The following NKAIN2 variants were observed in gnomAD, a reference collection of about 807,000 sequenced individuals.
NKAIN2 encodes the protein sodium/potassium transporting ATPase interacting 2.
In NKAIN2, 14 loss-of-function variants were observed where a neutral mutation model predicts 32.6. The ratio of observed to expected loss-of-function variants is 0.43; its 90% CI spans 0.28 to 0.67. The LOEUF is 0.67. Among genes scored for constraint, NKAIN2 ranks in the 30% least tolerant of loss-of-function variants. The pLI, the probability that NKAIN2 is intolerant of heterozygous loss-of-function variation, is 0.17. For missense variants in NKAIN2, 198 were observed against 258.3 expected (o/e 0.77, Z 1.60); for synonymous variants, 80 against 87.2 (o/e 0.92, Z 0.46).
In NKAIN2 at chr6:124,234,193, T is replaced by C. The variant is rs183704637; in HGVS notation, c.55-48812T>C. Among the ~76,000 whole-genome samples, 287 of 152,320 alleles carry C rather than the reference T, an allele frequency of 1.9e-3. 1 individual carries two copies. The highest frequency in any genetic ancestry group is 3.1e-3 in the Non-Finnish European group (213 of 68,030). ...ACCATTTTTGTCTCTAAAGCATCAT[T>C]GAATCTGAACATGACACTTCAATGC... On this transcript the variant is annotated intron_variant, in intron 1 of 6. Transcript: ENST00000368417.
rs146504410 is a variant in NKAIN2 at position 123,855,630 on chromosome 6, C to G, written c.54+51376C>G. 4.6e-3 allele frequency among the ~76,000 whole-genome samples: 702 copies of G among 152,262 alleles called. 4 individuals are homozygous for G. The highest frequency in any genetic ancestry group is 0.014 in the Admixed American group (219 of 15,290). On this transcript the variant is annotated intron_variant, in intron 1 of 6. Coordinates refer to ENST00000368417, the MANE Select transcript of NKAIN2 (RefSeq NM_001040214.3). ...TTACTGCAGTTTTCTGTCAGCCACC[C>G]TTATGTGCTGCACATGCCATGTCTG... is the stretch of plus-strand genomic sequence containing the variant.
chr6:124,214,318 TTAAAA>T (rs1268716870), intron 1 of NKAIN2, among the ~76,000 whole-genome samples: 4 of 152,148 alleles, frequency 2.6e-5, no homozygotes, highest in Admixed American at 6.6e-5. Context: ...ATTTATGAGT[TTAAAA>T]TATAATGTTT....
chr6:124,597,946 GTCT>G (rs1782154642), intron 3 of NKAIN2, among the ~76,000 whole-genome samples: 1 of 152,146 alleles, frequency 6.6e-6, no homozygotes, highest in African/African-American at 2.4e-5. Context: ...GAACATCTAA[GTCT>G]TACTATCAAA....
At chr6:124,342,509 T>C (rs1376723720) in intron 2 of NKAIN2, among the ~76,000 whole-genome samples, 1 of 151,836 alleles carries the variant, frequency 6.6e-6, no homozygotes, top group Non-Finnish European at 1.5e-5. Context: ...TTTTTTGTTG[T>C]TTTTTCTTTT....
chr6:124,347,258 G>T (rs929664674), intron 2 of NKAIN2, among the ~76,000 whole-genome samples: 2 of 152,096 alleles, frequency 1.3e-5, no homozygotes, highest in East Asian at 1.9e-4. Context: ...CTCTCTGGCT[G>T]CCTTTAACAT....
rs557676448 is a variant in NKAIN2 at position 124,425,634 on chromosome 6, G to T, written c.273+70287G>T. ...AAATAATAGCCTAATTTAAAAATTG[G>T]CAAAGGACCTGAACAGACCTTTCTC... On this transcript the variant is annotated intron_variant, in intron 3 of 6. Coordinates refer to ENST00000368417, the MANE Select transcript of NKAIN2 (RefSeq NM_001040214.3). Among the ~76,000 whole-genome samples, 4 of 152,116 alleles carry T rather than the reference G, an allele frequency of 2.6e-5. No homozygotes were observed. In the East Asian group the frequency reaches 7.7e-4, roughly 29 times the overall value.
At chr6:124,617,682 A>G (rs1782959651) in intron 3 of NKAIN2, among the ~76,000 whole-genome samples, 1 of 152,194 alleles carries the variant, frequency 6.6e-6, no homozygotes, top group Non-Finnish European at 1.5e-5. Context: ...ATGGACAAAT[A>G]CACTGCTTAT....
Position 123,964,375 on chromosome 6 carries a change from G to A in NKAIN2, c.54+160121G>A, listed in dbSNP as rs1193663576. Among the ~76,000 whole-genome samples, 2 of 152,094 alleles carry A rather than the reference G, an allele frequency of 1.3e-5. No individual in the cohort carries two copies. Among genetic ancestry groups the A allele is most frequent in the Non-Finnish European group, 2.9e-5 (2 of 68,032 alleles). ...AATTTAATTAGTATCAATTGCCAGT[G>A]TCAGCACGTTGAATTGCTTTATAAG... On this transcript the variant is annotated intron_variant, in intron 1 of 6. Transcript: ENST00000368417. The surrounding 1 kb of genome is among the most constrained non-coding windows in gnomAD (Gnocchi z 4.0).
At chr6:123,837,680 T>C (rs567090281) in intron 1 of NKAIN2, among the ~76,000 whole-genome samples, 33 of 152,256 alleles carry the variant, frequency 2.2e-4, no homozygotes, top group African/African-American at 7.9e-4. Flanking sequence ...ATCTTACCAC[T>C]CAGAGTAAAA....
intron 3 of NKAIN2, among the ~76,000 whole-genome samples, chr6:124,438,142 A>T (rs750692472): frequency 6.6e-6 from 1 of 152,132 alleles, no homozygotes; most frequent in African/African-American, 2.4e-5. Context: ...ATTATTGGAA[A>T]ATTTGACATA....
At chr6:124,205,362 T>TTA (rs1554266283) in intron 1 of NKAIN2, among the ~76,000 whole-genome samples, 2 of 95,264 alleles carry the variant, frequency 2.1e-5, no homozygotes, top group African/African-American at 5.4e-5. Flanking sequence ...TCTTAGGTGC[T>TTA]AAAAAAAAAT....
At chr6:124,317,678 C>A (rs939385801) in intron 2 of NKAIN2, among the ~76,000 whole-genome samples, 2 of 151,980 alleles carry the variant, frequency 1.3e-5, no homozygotes, top group Non-Finnish European at 2.9e-5. Flanking sequence ...GGTTAATTTT[C>A]TTAAGTTATA....
intron 2 of NKAIN2, among the ~76,000 whole-genome samples, chr6:124,307,320 A>G (rs189860144): frequency 6.6e-6 from 1 of 152,304 alleles, no homozygotes; most frequent in East Asian, 1.9e-4. Flanking sequence ...CTTGAACAAC[A>G]TGGTTGGGTC....
chr6:124,010,447 T>G (rs890798780), intron 1 of NKAIN2, among the ~76,000 whole-genome samples: 1 of 151,468 alleles, frequency 6.6e-6, no homozygotes, highest in East Asian at 1.9e-4. Flanking sequence ...ATAATAATTT[T>G]GTATGCTTTC....
At chr6:124,176,982 TA>T (rs1380093031) in intron 1 of NKAIN2, among the ~76,000 whole-genome samples, 15 of 152,124 alleles carry the variant, frequency 9.9e-5, no homozygotes, top group Non-Finnish European at 8.8e-5. Flanking sequence ...CATATAGTTT[TA>T]AAATTCTGTG....
intron 1 of NKAIN2, among the ~76,000 whole-genome samples, chr6:124,197,950 G>A (rs1790402632): frequency 6.7e-6 from 1 of 149,870 alleles, no homozygotes; most frequent in African/African-American, 2.5e-5. Flanking sequence ...TACCAACTGA[G>A]ATATTTACAT....
intron 1 of NKAIN2, among the ~76,000 whole-genome samples, chr6:124,171,675 C>T (rs566072048): frequency 2.6e-5 from 4 of 151,538 alleles, no homozygotes; most frequent in Non-Finnish European, 5.9e-5. Flanking sequence ...CTCAGCCTCC[C>T]AAGTAACTGG....
chr6:124,806,047 C>T lies in NKAIN2; in HGVS notation c.536-12340C>T, dbSNP rs571889748. Among the ~76,000 whole-genome samples, 3 of 152,216 alleles carry T rather than the reference C, an allele frequency of 2.0e-5. No individual in the cohort carries two copies. The East Asian group carries it at 5.8e-4, about 29-fold the overall frequency. On this transcript the variant is annotated intron_variant, in intron 5 of 6. Coordinates refer to ENST00000368417, the MANE Select transcript of NKAIN2 (RefSeq NM_001040214.3). ...CTGAAAGTGACGGGGAGAACGGAAC[C>T]AAGTTGGAAAACATTCTGCAGGATA...
chr6:124,438,263 AT>A (rs563819356), intron 3 of NKAIN2, among the ~76,000 whole-genome samples: 83 of 151,352 alleles, frequency 5.5e-4, no homozygotes, highest in African/African-American at 1.9e-3. Context: ...TGCTTCTATA[AT>A]GTTTTTTTTC....
Sources: gnomAD v4.1 joint callset for allele counts (sites outside exome capture counted in the v4.1 genomes callset) on GRCh38, gnomAD v4.1.1 for gene constraint, Gnocchi (gnomAD v3.1) non-coding constraint, MANE v1.5 for transcripts, NCBI Gene and HGNC (gene_info 2026-07-23, HGNC 2026-07-21) for gene names.